Variants in ESF1 observed in about 807,000 individuals in gnomAD.
The protein encoded by ESF1 is ESF1 nucleolar pre-rRNA processing protein, also known as ESF1 homolog.
ESF1 carries 58 observed loss-of-function variants against 92.0 expected under a neutral mutation model. That is an observed-to-expected ratio of 0.63 (90% CI 0.51 to 0.78). The LOEUF is 0.78. Among genes scored for constraint, ESF1 ranks in the 30% least tolerant of loss-of-function variants. The pLI is 0.00. For missense variants in ESF1, 922 were observed against 989.1 expected (o/e 0.93, Z 0.91); for synonymous variants, 321 against 313.7 (o/e 1.02, Z -0.24).
At chr20:13,780,933 C>T (rs752575993) in intron 2 of ESF1, among the ~76,000 whole-genome samples, 2 of 152,182 alleles carry the variant, frequency 1.3e-5, no homozygotes, top group Non-Finnish European at 2.9e-5. Context: ...TCTAATCAAA[C>T]GGGACTACTG....
At position 13,782,647 on chromosome 20, in the gene ESF1, T is replaced by G; in HGVS notation, c.494A>C (p.Asn165Thr). ...AACAATGTTTTTTTTCTCTTTCTTA[T>G]TTTTTTGTGTAAATTCTTTGCTATC... Reference protein sequence around the residue: ...KKDSKEFTQKNKKEKKNIVQH... With the variant: ...KKDSKEFTQKTKKEKKNIVQH... The change falls in exon 2 of 14, where the codon AAT becomes ACT. Residue 165 changes from asparagine to threonine, a missense_variant. By Grantham distance (65) the Asn-to-Thr change is moderately conservative. Coordinates refer to ENST00000617257, the MANE Select transcript of ESF1 (RefSeq NM_001276380.2). 6.2e-7 allele frequency: 1 copy of G among 1,606,042 alleles called. No individual in the cohort carries two copies. The highest frequency in any genetic ancestry group is 8.5e-7 in the Non-Finnish European group (1 of 1,177,670).
chr20:13,716,687 CTG>C (rs2049828474), intron 13 of ESF1, among the ~76,000 whole-genome samples: 2 of 146,120 alleles, frequency 1.4e-5, no homozygotes, highest in Non-Finnish European at 3.0e-5. Flanking sequence ...GTTGCCCAGG[CTG>C]GAGTGCAGTG....
At chr20:13,756,253 C>T (rs1019301522) in intron 9 of ESF1, among the ~76,000 whole-genome samples, 1 of 152,182 alleles carries the variant, frequency 6.6e-6, no homozygotes, top group African/African-American at 2.4e-5. Flanking sequence ...CAGAAAAACC[C>T]TTTACACTTG....
intron 10 of ESF1, among the ~76,000 whole-genome samples, chr20:13,733,291 G>A (rs2049955597): frequency 6.6e-6 from 1 of 152,140 alleles, no homozygotes; most frequent in Non-Finnish European, 1.5e-5. Context: ...AGATAATACT[G>A]TAAGGTGAAA....
chr20:13,754,227 T>C (rs943363328), intron 9 of ESF1, among the ~76,000 whole-genome samples: 2 of 152,200 alleles, frequency 1.3e-5, no homozygotes, highest in East Asian at 3.8e-4. Context: ...ATTCTCAGCC[T>C]GTATTTTATT....
At chr20:13,754,765 C>T (rs1019088844) in intron 9 of ESF1, among the ~76,000 whole-genome samples, 8 of 152,252 alleles carry the variant, frequency 5.3e-5, no homozygotes, top group Middle Eastern at 6.8e-3. Flanking sequence ...CTCCTGAGCT[C>T]AAAACTCTCC....
intron 9 of ESF1, among the ~76,000 whole-genome samples, chr20:13,754,898 T>C (rs1008239220): frequency 2.0e-5 from 3 of 152,216 alleles, no homozygotes; most frequent in African/African-American, 7.2e-5. Flanking sequence ...AGTCATACTG[T>C]TCTCCTTGGA....
chr20:13,753,859 T>C (rs1487929105), intron 9 of ESF1, among the ~76,000 whole-genome samples: 2 of 152,230 alleles, frequency 1.3e-5, no homozygotes, highest in Non-Finnish European at 2.9e-5. Context: ...AATCAAACTT[T>C]GAGCAGTAGG....
intron 4 of ESF1, among the ~76,000 whole-genome samples, chr20:13,774,358 G>A (rs1979829647): frequency 6.6e-6 from 1 of 152,132 alleles, no homozygotes; most frequent in Non-Finnish European, 1.5e-5. Flanking sequence ...TTGGAATTGC[G>A]ATGCTCATCC....
rs367727988 is a variant in ESF1, at chr20:13,769,854, CT to C, written c.1518+52del. ...AGATGCTATAAGTAATATACAAAATCTCTTCATAAAGCAATAGAGTCCAGCT... is the reference window on the plus strand; with the variant it reads ...AGATGCTATAAGTAATATACAAAATCCTTCATAAAGCAATAGAGTCCAGCT... On this transcript the variant is annotated intron_variant, in intron 7 of 13. Transcript: ENST00000617257. The C allele has an allele frequency of 8.8e-4, 988 of 1,123,646 alleles. 4 individuals are homozygous for C. In the African/African-American group the frequency reaches 0.013, roughly 15 times the overall value. The allele number at this position is 1,123,646 out of a possible 1,614,324, so 69.6% of individuals were successfully genotyped here.
chr20:13,742,131 C>T (rs909926410), intron 9 of ESF1, among the ~76,000 whole-genome samples: 3 of 152,088 alleles, frequency 2.0e-5, no homozygotes, highest in African/African-American at 7.2e-5. Context: ...CTTTGGGAGG[C>T]CAATACGGGT....
chr20:13,774,941 T>C (rs551454563), intron 4 of ESF1, among the ~76,000 whole-genome samples: 1 of 152,310 alleles, frequency 6.6e-6, no homozygotes, highest in South Asian at 2.1e-4. Flanking sequence ...TTTGGATTTT[T>C]AATGTGTAAA....
At chr20:13,765,131 G>A (rs1366276883) in intron 8 of ESF1, among the ~76,000 whole-genome samples, 1 of 152,150 alleles carries the variant, frequency 6.6e-6, no homozygotes, top group African/African-American at 2.4e-5. Flanking sequence ...GCTGAGCCAT[G>A]AGAATCGTTT....
chr20:13,762,354 T>C (rs543567048), intron 8 of ESF1, among the ~76,000 whole-genome samples: 2 of 152,338 alleles, frequency 1.3e-5, no homozygotes, highest in South Asian at 4.1e-4. Context: ...AATTCTGTCA[T>C]GTATCCCGTA....
intron 9 of ESF1, among the ~76,000 whole-genome samples, chr20:13,756,337 T>C (rs1978895168): frequency 1.3e-5 from 2 of 152,170 alleles, no homozygotes; most frequent in Admixed American, 1.3e-4. Flanking sequence ...AATATTACAG[T>C]TTAAGACCTT....
intron 9 of ESF1, among the ~76,000 whole-genome samples, chr20:13,747,396 T>A (rs1412838525): frequency 6.6e-6 from 1 of 151,774 alleles, no homozygotes; most frequent in Admixed American, 6.6e-5. Flanking sequence ...CCGTCTCTAC[T>A]AAAAATACAA....
chr20:13,766,023 T>G (rs949241715), intron 8 of ESF1, among the ~76,000 whole-genome samples: 3 of 152,146 alleles, frequency 2.0e-5, no homozygotes. Context: ...GAGAGGTCTA[T>G]CAGCAGATTT....
At chr20:13,722,084 T>C (rs2049871887) in intron 11 of ESF1, among the ~76,000 whole-genome samples, 1 of 152,128 alleles carries the variant, frequency 6.6e-6, no homozygotes, top group African/African-American at 2.4e-5. Flanking sequence ...GGGAGAAAAT[T>C]AGACTGTATA....
At chr20:13,749,345 G>C (rs939594363) in intron 9 of ESF1, among the ~76,000 whole-genome samples, 1 of 140,074 alleles carries the variant, frequency 7.1e-6, no homozygotes, top group South Asian at 2.4e-4. Flanking sequence ...GTGGGCCACC[G>C]CACCTGGCCC....
Sources: gnomAD v4.1 joint callset for allele counts (sites outside exome capture counted in the v4.1 genomes callset) on GRCh38, gnomAD v4.1.1 for gene constraint, MANE v1.5 for transcripts, NCBI Gene and HGNC (gene_info 2026-07-23, HGNC 2026-07-21) for gene names.